FAM120C: variants seen among roughly 807,000 people sequenced by gnomAD.
FAM120C encodes the protein constitutive coactivator of PPAR-gamma-like protein 2.
FAM120C carries 14 observed loss-of-function variants against 71.2 expected under a neutral mutation model. The ratio of observed to expected loss-of-function variants is 0.20; its 90% CI spans 0.13 to 0.31. The LOEUF is 0.31. FAM120C is among the 10% of genes least tolerant of loss of function. The probability of loss-of-function intolerance (pLI) is 1.00; values close to 1 mark genes in which losing one functional copy is unlikely to be tolerated. For missense variants in FAM120C, 500 were observed against 879.0 expected, an observed-to-expected ratio of 0.57 and a Z score of 5.45; for synonymous variants, 354 against 353.2, an observed-to-expected ratio of 1.00 and a Z score of -0.03.
intron 1 of FAM120C, among the ~76,000 whole-genome samples, chrX:54,175,668 C>T (rs1033401531): frequency 6.3e-5 from 7 of 110,987 alleles, no homozygotes; most frequent in African/African-American, 2.3e-4. Flanking sequence ...ACCACCATGC[C>T]CCGCTACAAG....
At chrX:54,165,164 A>C (rs1557134968) in intron 1 of FAM120C, among the ~76,000 whole-genome samples, 1 of 111,615 alleles carries the variant, frequency 9.0e-6, no homozygotes, top group African/African-American at 3.3e-5. Context: ...CAACAAAATT[A>C]ACAATTTCTT....
intron 5 of FAM120C, among the ~76,000 whole-genome samples, chrX:54,136,190 G>A (rs2067093689): frequency 9.0e-6 from 1 of 111,254 alleles, no homozygotes; most frequent in Non-Finnish European, 1.9e-5. Context: ...CATAGAGACG[G>A]AGTTTCACCA....
Position 54,132,852 on chromosome X carries a change from C to T in FAM120C, c.1902G>A (p.Lys634=), listed in dbSNP as rs2067075055. ...IYHVLTKGEI[K]IPVCIEDECN... is the part of the protein sequence containing the mutation. ...ACTCATCCTCAATACATACGGGGAT[C>T]TTAATTTCACCCTAACAAGAGAACA... Residue 634 remains lysine (K), a synonymous_variant, in exon 9 of 16, where the codon AAG becomes AAA. Coordinates refer to ENST00000375180, the MANE Select transcript of FAM120C (RefSeq NM_017848.6). The T allele has an allele frequency of 8.4e-7, 1 of 1,188,698 alleles. No homozygotes were observed. The highest frequency in any genetic ancestry group is 3.0e-5 in the East Asian group (1 of 33,429).
chrX:54,129,295 C>A (rs2146605114), intron 9 of FAM120C, among the ~76,000 whole-genome samples: 1 of 106,558 alleles, frequency 9.4e-6, no homozygotes, highest in South Asian at 4.3e-4. Context: ...GGTCTCCTCA[C>A]TTCTCAGACG....
chrX:54,124,398 C>T (rs2067013615), intron 9 of FAM120C, among the ~76,000 whole-genome samples: 1 of 30,269 alleles, frequency 3.3e-5, no homozygotes, highest in African/African-American at 1.3e-4. Flanking sequence ...CCCTCTGAGC[C>T]AGGTGTGGGA....
intron 13 of FAM120C, among the ~76,000 whole-genome samples, chrX:54,082,705 G>A (rs1029168216): frequency 3.6e-5 from 4 of 110,756 alleles, no homozygotes; most frequent in African/African-American, 1.3e-4. Flanking sequence ...CACCGTGCCC[G>A]GTCCTAAACT....
intron 1 of FAM120C, among the ~76,000 whole-genome samples, chrX:54,173,010 C>CA (rs1208980582): frequency 8.9e-6 from 1 of 112,423 alleles, no homozygotes; most frequent in Non-Finnish European, 1.9e-5. Flanking sequence ...ACATCCTGAA[C>CA]AAAAGTATTT....
chrX:54,150,643 A>G (rs2067180090), intron 4 of FAM120C, among the ~76,000 whole-genome samples: 1 of 110,128 alleles, frequency 9.1e-6, no homozygotes, highest in South Asian at 3.9e-4. Context: ...AAGACTAGAA[A>G]GACATATGTC....
At chrX:54,103,196 T>C (rs2066890550) in intron 10 of FAM120C, among the ~76,000 whole-genome samples, 1 of 111,732 alleles carries the variant, frequency 8.9e-6, no homozygotes, top group African/African-American at 3.3e-5. Flanking sequence ...TCTATAAACA[T>C]GGGGTATCTT....
chrX:54,128,424 C>T (rs910039846), intron 9 of FAM120C, among the ~76,000 whole-genome samples: 1 of 111,135 alleles, frequency 9.0e-6, no homozygotes, highest in East Asian at 2.8e-4. Context: ...ATATATTTGT[C>T]GGTCACTTGT....
At chrX:54,166,944 A>G (rs2067262524) in intron 1 of FAM120C, among the ~76,000 whole-genome samples, 1 of 111,217 alleles carries the variant, frequency 9.0e-6, no homozygotes, top group South Asian at 3.8e-4. Flanking sequence ...GCTGAATAAA[A>G]GCAGAACATA....
intron 11 of FAM120C, among the ~76,000 whole-genome samples, chrX:54,089,759 C>T (rs1441982040): frequency 1.8e-5 from 2 of 110,164 alleles, no homozygotes; most frequent in Non-Finnish European, 1.9e-5. Context: ...GTTGGGAATT[C>T]GAGACCAGCC....
At chrX:54,094,554 C>G (rs782142575) in intron 10 of FAM120C, among the ~76,000 whole-genome samples, 1 of 109,005 alleles carries the variant, frequency 9.2e-6, no homozygotes, top group East Asian at 2.9e-4. Flanking sequence ...TAAGACTAGC[C>G]TGGGCTAGTC....
intron 10 of FAM120C, among the ~76,000 whole-genome samples, chrX:54,093,982 T>G (rs2066836497): frequency 9.0e-6 from 1 of 111,048 alleles, no homozygotes; most frequent in Non-Finnish European, 1.9e-5. Flanking sequence ...CCTCTGATAT[T>G]CTAGATACCT....
At chrX:54,111,307 A>T (rs1557125696) in intron 10 of FAM120C, among the ~76,000 whole-genome samples, 1 of 111,382 alleles carries the variant, frequency 9.0e-6, no homozygotes, top group African/African-American at 3.3e-5. Flanking sequence ...AGAGAAAAAA[A>T]ATATAAGACA....
chrX:54,073,667 A>T (rs2066721843), intron 15 of FAM120C, among the ~76,000 whole-genome samples: 1 of 110,164 alleles, frequency 9.1e-6, no homozygotes, highest in Admixed American at 9.8e-5. Flanking sequence ...CCTGGCCTCA[A>T]CTGATCTGCC....
chrX:54,161,841 AG>A (rs1413358761), intron 1 of FAM120C, among the ~76,000 whole-genome samples: 1 of 112,289 alleles, frequency 8.9e-6, no homozygotes, highest in Non-Finnish European at 1.9e-5. Flanking sequence ...CATGTTGGCC[AG>A]GCTGGTCTCA....
chrX:54,126,793 C>T (rs782383523), intron 9 of FAM120C, among the ~76,000 whole-genome samples: 3 of 113,340 alleles, frequency 2.6e-5, no homozygotes, highest in East Asian at 2.8e-4. Context: ...AAACCCTACT[C>T]GGCCTTGGCC....
At chrX:54,171,173 T>G (rs182225447) in intron 1 of FAM120C, among the ~76,000 whole-genome samples, 3 of 111,502 alleles carry the variant, frequency 2.7e-5, no homozygotes. Flanking sequence ...GGCAGGAGGA[T>G]TGCTTGAGGC....
Sources: allele counts gnomAD v4.1 joint callset (sites outside exome capture counted in the v4.1 genomes callset), GRCh38; gene constraint gnomAD v4.1.1; transcripts MANE v1.5; gene names NCBI Gene and HGNC (gene_info 2026-07-23, HGNC 2026-07-21).